Variants in PTX4 observed in about 807,000 individuals in gnomAD.
PTX4 encodes pentraxin-4.
PTX4 carries 23 observed loss-of-function variants against 19.1 expected under a neutral mutation model. That is an observed-to-expected ratio of 1.20 (90% CI 0.87 to 1.70). The LOEUF (loss-of-function observed/expected upper bound fraction) is 1.70, where lower values mean the gene tolerates loss of function less well. Among genes scored for constraint, PTX4 ranks in the 40% most tolerant of loss-of-function variants. The pLI is 0.00. For synonymous variants in PTX4, 317 were observed against 279.6 expected (o/e 1.13, Z -1.33); for missense variants, 678 against 610.5 (o/e 1.11, Z -1.17).
chr16:1,486,138 C>A lies in PTX4; in HGVS notation c.1238G>T (p.Gly413Val). The A allele has an allele frequency of 6.2e-7, 1 of 1,614,194 alleles. No homozygotes were observed. Among genetic ancestry groups the A allele is most frequent in the Non-Finnish European group, 8.5e-7 (1 of 1,180,036 alleles). Residue 413 changes from glycine (G) to valine (V), a missense_variant, in exon 3 of 3, where the codon GGA becomes GTA. Transcript: ENST00000447419. ...LGQEQDSVGG[G>V]FDSSEAFVGS... is the part of the protein sequence containing the mutation. ...CACGAAGGCCTCGGAGCTGTCGAAT[C>A]CGCCCCCCACGCTGTCTTGTTCCTG...
At chr16:1,487,039 T>A (rs1295495335) in intron 2 of PTX4, among the ~76,000 whole-genome samples, 1 of 152,162 alleles carries the variant, frequency 6.6e-6, no homozygotes, top group Non-Finnish European at 1.5e-5. Flanking sequence ...CTTTCCAGCT[T>A]CCAGAGGCGC....
chr16:1,488,207 C>G (rs548057127), intron 1 of PTX4: 2 of 1,337,568 alleles, frequency 1.5e-6, no homozygotes, highest in East Asian at 4.7e-5. Context: ...AGGCCCACAG[C>G]TGGGGCTCTG....
Position 1,487,956 on chromosome 16 carries a change from C to T in PTX4, c.156G>A (p.Gln52=). The stretch of plus-strand genomic sequence containing the variant: ...TCTGCAGGTGTGTCCAGGTCACCTC[C>T]TGGAATCTCCGGAACTGTAAGGAGG... ...RRLEEQFRRF[Q]EVTWTHLQNI... The change falls in exon 2 of 3, where the codon CAG becomes CAA. Residue 52 remains glutamine (Q), a synonymous_variant. Coordinates refer to ENST00000447419, the MANE Select transcript of PTX4 (RefSeq NM_001328608.2). 1 of 1,584,662 alleles carries T rather than the reference C, an allele frequency of 6.3e-7. No homozygotes were observed. The highest frequency in any genetic ancestry group is 8.6e-7 in the Non-Finnish European group (1 of 1,161,560).
intron 2 of PTX4, 136 bp downstream of exon 2, chr16:1,487,180 C>G (rs7202516): frequency 0.051 from 42,259 of 820,878 alleles, 2,772 homozygotes; most frequent in African/African-American, 0.27. Context: ...GGGCCACCCC[C>G]CCCGATGATC....
Position 1,487,442 on chromosome 16 carries a change from G to GT in PTX4, c.669dup (p.Gln224ThrfsTer99). The GT allele has an allele frequency of 6.6e-7, 1 of 1,516,626 alleles. No homozygotes were observed. The highest frequency in any genetic ancestry group is 8.8e-7 in the Non-Finnish European group (1 of 1,134,830). The allele number at this position is 1,516,626 out of a possible 1,614,324, so 93.9% of individuals were successfully genotyped here. On this transcript the variant is annotated frameshift_variant, in exon 2 of 3. Transcript: ENST00000447419. LOFTEE classifies it high-confidence loss of function. The stretch of plus-strand genomic sequence containing the variant: ...CCTTGGAGAGGGGCCGAGGAGTCCT[G>GT]TGGGGGGCCCCTGTGCTCAGAGGCA...
intron 2 of PTX4, 31 bp downstream of exon 2, chr16:1,487,285 T>C (rs562182522): frequency 8.1e-6 from 12 of 1,485,716 alleles, no homozygotes; most frequent in East Asian, 2.5e-5. Context: ...GAGGGAAGCC[T>C]GGCCGTGAGC....
chr16:1,487,611 C>G lies in PTX4; in HGVS notation c.501G>C (p.Arg167Ser). 6.4e-7 allele frequency: 1 copy of G among 1,570,686 alleles called. No homozygotes were observed. The highest frequency in any genetic ancestry group is 8.6e-7 in the Non-Finnish European group (1 of 1,156,154). ...LEGLVHSQGARLAALEGRLPV... is the reference protein window; with the variant it reads ...LEGLVHSQGASLAALEGRLPV... ...GCAGCCGCCCCTCCAGAGCAGCCAG[C>G]CTGGCGCCCTGGCTGTGGACGAGGC... The change falls in exon 2 of 3, where the codon AGG becomes AGC. Residue 167 changes from arginine to serine, a missense_variant. Arg to Ser is a moderately radical substitution (Grantham distance 110). Transcript: ENST00000447419.
chr16:1,487,791 C>T lies in PTX4; in HGVS notation c.321G>A (p.Trp107Ter). 2 of 1,612,978 alleles carry T rather than the reference C, an allele frequency of 1.2e-6. No individual in the cohort carries two copies. Among genetic ancestry groups the T allele is most frequent in the Non-Finnish European group, 1.7e-6 (2 of 1,179,812 alleles). Residue 107 changes from tryptophan to a stop codon, truncating the protein, a stop_gained, in exon 2 of 3, where the codon TGG becomes TGA. Coordinates refer to ENST00000447419, the MANE Select transcript of PTX4 (RefSeq NM_001328608.2). LOFTEE classifies it high-confidence loss of function. ...GGCCTCGGCGCTGCAGCTTCCTCAC[C>T]CAGGCCTTGAGCTGCGCCAGCTCCC... ...VQGELAQLKA[W>*]VRKLQRRGRK...
Position 1,486,434 on chromosome 16 carries a change from C to T in PTX4, c.942G>A (p.Leu314=), listed in dbSNP as rs770806643. The change falls in exon 3 of 3, where the codon CTG becomes CTA. Residue 314 remains leucine, a synonymous_variant. Transcript: ENST00000447419. ...RTASGRLGTL[L]SYATEDNDNK... is the part of the protein sequence containing the mutation. ...TGTCATTGTCCTCGGTGGCGTAGGA[C>T]AGGAGGGTGCCCAGGCGGCCGGAGG... 1.2e-6 allele frequency: 2 copies of T among 1,613,956 alleles called. No homozygotes were observed. Among genetic ancestry groups the T allele is most frequent in the Admixed American group, 3.3e-5 (2 of 60,014 alleles).
intron 2 of PTX4, 57 bp downstream of exon 2, chr16:1,487,259 G>C: frequency 6.9e-7 from 1 of 1,447,204 alleles, no homozygotes; most frequent in Non-Finnish European, 9.1e-7. Context: ...AGGGGGCCTG[G>C]TCTAAGGAGG....
In PTX4 at chr16:1,487,658, C is replaced by T; in HGVS notation, c.454G>A (p.Asp152Asn). 6.3e-7 allele frequency: 1 copy of T among 1,597,930 alleles called. No homozygotes were observed. Among genetic ancestry groups the T allele is most frequent in the Non-Finnish European group, 8.5e-7 (1 of 1,169,890 alleles). ...AHKAQRDALQ[D>N]SLARLEGLVH... ...AGGCCCTCCAGGCGTGCCAGTGAGT[C>T]CTGCAGGGCGTCCCTCTGGGCCTTG... The change falls in exon 2 of 3, where the codon GAC becomes AAC. Residue 152 changes from aspartate to asparagine, a missense_variant. Transcript: ENST00000447419.
In PTX4 at chr16:1,487,958, G is replaced by A. The variant is rs1469363307; in HGVS notation, c.154C>T (p.Gln52Ter). The A allele has an allele frequency of 1.9e-6, 3 of 1,582,576 alleles. No individual in the cohort carries two copies. Among genetic ancestry groups the A allele is most frequent in the Admixed American group, 1.7e-5 (1 of 58,378 alleles). Residue 52 changes from glutamine to a stop codon, truncating the protein, a stop_gained, in exon 2 of 3, where the codon CAG becomes TAG. Transcript: ENST00000447419. LOFTEE classifies it high-confidence loss of function. Reference protein sequence around the residue: ...RRLEEQFRRFQEVTWTHLQNI... With the variant: ...RRLEEQFRRF ...TGCAGGTGTGTCCAGGTCACCTCCT[G>A]GAATCTCCGGAACTGTAAGGAGGAC...
rs1334263549 is a variant in PTX4, at chr16:1,486,129, C to T, written c.1247G>A (p.Ser416Asn). 1.2e-6 allele frequency: 2 copies of T among 1,614,212 alleles called. No homozygotes were observed. The highest frequency in any genetic ancestry group is 1.7e-6 in the Non-Finnish European group (2 of 1,180,040). Reference sequence around the variant, plus strand: ...CATGCTCCCCACGAAGGCCTCGGAGCTGTCGAATCCGCCCCCCACGCTGTC... The same window carrying T: ...CATGCTCCCCACGAAGGCCTCGGAGTTGTCGAATCCGCCCCCCACGCTGTC... Reference protein sequence around the residue: ...EQDSVGGGFDSSEAFVGSMSG... With the variant: ...EQDSVGGGFDNSEAFVGSMSG... Residue 416 changes from serine to asparagine, a missense_variant, in exon 3 of 3, where the codon AGC (serine) becomes AAC (asparagine). Coordinates refer to ENST00000447419, the MANE Select transcript of PTX4 (RefSeq NM_001328608.2).
In PTX4 at chr16:1,487,679, C is replaced by A. The variant is rs768404010; in HGVS notation, c.433G>T (p.Ala145Ser). The A allele has an allele frequency of 7.5e-6, 12 of 1,608,456 alleles. No homozygotes were observed. The highest frequency in any genetic ancestry group is 1.3e-5 in the African/African-American group (1 of 74,870). ...GAGTCCTGCAGGGCGTCCCTCTGGG[C>A]CTTGTGTGCCTTCCTTTCCCGGGCC... is the stretch of plus-strand genomic sequence containing the variant. ...QRARERKAHKAQRDALQDSLA... is the reference protein window; with the variant it reads ...QRARERKAHKSQRDALQDSLA... Residue 145 changes from alanine to serine, a missense_variant, in exon 2 of 3, where the codon GCC (alanine) becomes TCC (serine). Physicochemically the swap from Ala to Ser is moderately conservative, Grantham distance 99 (BLOSUM62 1). Coordinates refer to ENST00000447419, the MANE Select transcript of PTX4 (RefSeq NM_001328608.2).
rs766326642 is a variant in PTX4, at chr16:1,487,330, TG to T, written c.781del (p.Gln261ArgfsTer81). ...GTGGTACTTACTCTCTCCTGGCACC[TG>T]GGGGGACCATGCCTGCTGCCGAGGG... ...KDPRQQAWSP[Q>X]VPGEICGVGP... On this transcript the variant is annotated frameshift_variant, in exon 2 of 3. Transcript: ENST00000447419. LOFTEE classifies it low-confidence loss of function (END_TRUNC). 22 of 1,548,856 alleles carry T rather than the reference TG, an allele frequency of 1.4e-5. No homozygotes were observed. The highest frequency in any genetic ancestry group is 7.5e-5 in the South Asian group (6 of 80,190).
At chr16:1,486,698 G>T in intron 2 of PTX4, 119 bp from the exon 3 acceptor site, 1 of 1,076,188 alleles carries the variant, frequency 9.3e-7, no homozygotes, top group Non-Finnish European at 1.3e-6. Flanking sequence ...ACGGAGCACT[G>T]ACTCTGCGCT....
At position 1,487,580 on chromosome 16, in the gene PTX4, C is replaced by T. The variant is rs375706387; in HGVS notation, c.532G>A (p.Ala178Thr). Residue 178 changes from alanine (A) to threonine (T), a missense_variant, in exon 2 of 3, where the codon GCC becomes ACC. By Grantham distance (58) the Ala-to-Thr change is moderately conservative. Coordinates refer to ENST00000447419, the MANE Select transcript of PTX4 (RefSeq NM_001328608.2). ...CCGAGGGCTGCAGTGCCAGGGTGGGCCACGGGCAGCCGCCCCTCCAGAGCA... is the reference window on the plus strand; with the variant it reads ...CCGAGGGCTGCAGTGCCAGGGTGGGTCACGGGCAGCCGCCCCTCCAGAGCA... Reference protein sequence around the residue: ...LAALEGRLPVAHPGTAALGPA... With the variant: ...LAALEGRLPVTHPGTAALGPA... 1 of 1,551,198 alleles carries T rather than the reference C, an allele frequency of 6.4e-7. No homozygotes were observed. Among genetic ancestry groups the T allele is most frequent in the Admixed American group, 1.9e-5 (1 of 52,606 alleles).
At chr16:1,486,687 C>G (rs929560859) in intron 2 of PTX4, 108 bp from the exon 3 acceptor site, 24 of 1,184,856 alleles carry the variant, frequency 2.0e-5, no homozygotes, top group Middle Eastern at 2.6e-4. Flanking sequence ...TGCCACCCTT[C>G]ACGGAGCACT....
Position 1,487,653 on chromosome 16 carries a change from T to G in PTX4, c.459A>C (p.Ser153=), listed in dbSNP as rs1305081223. 2 of 1,589,866 alleles carry G rather than the reference T, an allele frequency of 1.3e-6. No homozygotes were observed. Among genetic ancestry groups the G allele is most frequent in the South Asian group, 2.2e-5 (2 of 89,264 alleles). The change falls in exon 2 of 3, where the codon TCA becomes TCC. Residue 153 remains serine (S), a synonymous_variant. Transcript: ENST00000447419. The stretch of plus-strand genomic sequence containing the variant: ...GGACGAGGCCCTCCAGGCGTGCCAG[T>G]GAGTCCTGCAGGGCGTCCCTCTGGG... The part of the protein sequence containing the change: ...HKAQRDALQD[S]LARLEGLVHS...
Sources: gnomAD v4.1 joint callset for allele counts (sites outside exome capture counted in the v4.1 genomes callset) on GRCh38, gnomAD v4.1.1 for gene constraint, MANE v1.5 for transcripts, NCBI Gene and HGNC (gene_info 2026-07-23, HGNC 2026-07-21) for gene names.